TRPS1: variants seen among roughly 807,000 people sequenced by gnomAD.
TRPS1 encodes the protein transcriptional repressor GATA binding 1.
TRPS1 carries 6 observed loss-of-function variants against 101.2 expected under a neutral mutation model. That is an observed-to-expected ratio of 0.06 (90% CI 0.03 to 0.12). TRPS1 has a LOEUF of 0.12. Among genes scored for constraint, TRPS1 ranks in the 10% least tolerant of loss-of-function variants. The pLI is 1.00. For missense variants in TRPS1, 1,363 were observed against 1,567.0 expected, an observed-to-expected ratio of 0.87 and a Z score of 2.20; for synonymous variants, 578 against 589.8, an observed-to-expected ratio of 0.98 and a Z score of 0.29.
At chr8:115,515,796 C>T (rs1156543902) in intron 5 of TRPS1, among the ~76,000 whole-genome samples, 2 of 151,156 alleles carry the variant, frequency 1.3e-5, no homozygotes, top group Non-Finnish European at 3.0e-5. Context: ...GACTGCTAAC[C>T]TTAGCTGGGT....
chr8:115,492,070 T>C (rs1815037156), intron 5 of TRPS1: 3 of 416,978 alleles, frequency 7.2e-6, no homozygotes, highest in South Asian at 5.2e-5. Flanking sequence ...TTCTAATACA[T>C]GTTTAAAATT....
intron 5 of TRPS1, among the ~76,000 whole-genome samples, chr8:115,492,661 C>T (rs1412385751): frequency 2.0e-5 from 3 of 152,058 alleles, no homozygotes; most frequent in Non-Finnish European, 4.4e-5. Context: ...CTCTACGTTT[C>T]TCTGAAAAGT....
intron 1 of TRPS1, among the ~76,000 whole-genome samples, chr8:115,636,197 T>C (rs1316074840): frequency 6.6e-6 from 1 of 152,090 alleles, no homozygotes; most frequent in Non-Finnish European, 1.5e-5. Context: ...TATTTTAAAT[T>C]GATCTCTTCC....
intron 4 of TRPS1, 24 bp downstream of exon 4, chr8:115,603,849 C>A (rs532290712): frequency 6.2e-7 from 1 of 1,613,418 alleles, no homozygotes; most frequent in East Asian, 2.2e-5. Context: ...TATATTCCTC[C>A]CGACCCCACC....
intron 5 of TRPS1, among the ~76,000 whole-genome samples, chr8:115,477,294 T>C (rs546104616): frequency 1.6e-4 from 24 of 152,298 alleles, no homozygotes; most frequent in African/African-American, 5.5e-4. Flanking sequence ...GAAATGTATT[T>C]TTTCAGCATA....
chr8:115,477,050 T>C (rs1443358356), intron 5 of TRPS1, among the ~76,000 whole-genome samples: 4 of 152,228 alleles, frequency 2.6e-5, no homozygotes, highest in Admixed American at 6.5e-5. Context: ...ACGAGGTTGG[T>C]TGGCACAGTA....
chr8:115,538,594 T>TA (rs10627729), intron 5 of TRPS1, among the ~76,000 whole-genome samples: 44,453 of 148,272 alleles, frequency 0.3, 7,089 homozygotes, highest in East Asian at 0.43. Context: ...TTTCAGAAAA[T>TA]AAAAAAAAAA....
intron 5 of TRPS1, among the ~76,000 whole-genome samples, chr8:115,525,161 G>A (rs1323809009): frequency 1.3e-5 from 2 of 152,040 alleles, no homozygotes; most frequent in Non-Finnish European, 2.9e-5. Context: ...CAGATCTTCT[G>A]GCATACTCTG....
At chr8:115,470,653 A>G (rs1586306277) in intron 5 of TRPS1, among the ~76,000 whole-genome samples, 1 of 152,224 alleles carries the variant, frequency 6.6e-6, no homozygotes, top group Non-Finnish European at 1.5e-5. Context: ...GAATCTTTCT[A>G]TAAAATATAC....
chr8:115,519,549 T>C (rs1815806112), intron 5 of TRPS1, among the ~76,000 whole-genome samples: 2 of 151,578 alleles, frequency 1.3e-5, no homozygotes, highest in Admixed American at 6.6e-5. Flanking sequence ...TTTTAAATTA[T>C]ATATATTTTG....
At chr8:115,488,899 T>C (rs781112489) in intron 5 of TRPS1, among the ~76,000 whole-genome samples, 3 of 152,180 alleles carry the variant, frequency 2.0e-5, no homozygotes, top group Non-Finnish European at 2.9e-5. Flanking sequence ...TATGTATTAA[T>C]ATAGTTCAAT....
intron 4 of TRPS1, among the ~76,000 whole-genome samples, chr8:115,595,164 A>C (rs1359503804): frequency 6.6e-6 from 1 of 151,956 alleles, no homozygotes; most frequent in Non-Finnish European, 1.5e-5. Flanking sequence ...GGGAAAAGGG[A>C]GGTGATTCAA....
At chr8:115,565,532 G>C (rs1469567149) in intron 5 of TRPS1, among the ~76,000 whole-genome samples, 1 of 150,714 alleles carries the variant, frequency 6.6e-6, no homozygotes, top group Non-Finnish European at 1.5e-5. Context: ...GGAGTTCATT[G>C]TTTTGATTTT....
At chr8:115,521,143 TATGTTTGTG>T (rs1815850863) in intron 5 of TRPS1, among the ~76,000 whole-genome samples, 1 of 52,206 alleles carries the variant, frequency 1.9e-5, no homozygotes, top group Non-Finnish European at 3.6e-5. Context: ...ATCCCAACTC[TATGTTTGTG>T]TTACTATTTT....
intron 5 of TRPS1, among the ~76,000 whole-genome samples, chr8:115,456,985 G>A (rs1215398350): frequency 3.3e-5 from 5 of 151,902 alleles, no homozygotes; most frequent in African/African-American, 9.7e-5. Flanking sequence ...GCTTCCTGAG[G>A]GCCTATGAGC....
chr8:115,533,436 G>GTTTTTTGTTTTTTTTTTTTT (rs1816188062), intron 5 of TRPS1, among the ~76,000 whole-genome samples: 3 of 34,986 alleles, frequency 8.6e-5, no homozygotes, highest in African/African-American at 3.1e-4. Flanking sequence ...CATGTAATCT[G>GTTTTTTGTTTTTTTTTTTTT]TTTTTTTTTT....
rs988117335 is a variant in TRPS1, at chr8:115,636,261, T to C, written c.-121-12503A>G. 2.6e-5 allele frequency among the ~76,000 whole-genome samples: 4 copies of C among 152,284 alleles called. No homozygotes were observed. In the East Asian group the frequency reaches 5.8e-4, roughly 22 times the overall value. The stretch of plus-strand genomic sequence containing the variant: ...ACAAGATGACACATTTAATTTCCAA[T>C]AGGGTTCCTGTTTACTGCGCCACAG... On this transcript the variant is annotated intron_variant, in intron 1 of 6. Transcript: ENST00000395715.
intron 5 of TRPS1, among the ~76,000 whole-genome samples, chr8:115,441,896 AGAGT>A (rs1453483173): frequency 9.8e-5 from 13 of 133,160 alleles, no homozygotes; most frequent in Non-Finnish European, 1.3e-4. Flanking sequence ...AGAGAGAGAG[AGAGT>A]GTGTGTGTGT....
At chr8:115,435,580 G>A (rs1187099025) in intron 5 of TRPS1, among the ~76,000 whole-genome samples, 4 of 152,086 alleles carry the variant, frequency 2.6e-5, no homozygotes, top group Non-Finnish European at 5.9e-5. Context: ...TGATCTGACT[G>A]GGTTCAATTG....
Sources: gnomAD v4.1 joint callset for allele counts (sites outside exome capture counted in the v4.1 genomes callset) on GRCh38, gnomAD v4.1.1 for gene constraint, MANE v1.5 for transcripts, NCBI Gene and HGNC (gene_info 2026-07-23, HGNC 2026-07-21) for gene names.